The following TAF7L variants were observed in gnomAD, a reference collection of about 807,000 sequenced individuals.
The protein encoded by TAF7L is TATA-box binding protein associated factor 7 like.
A neutral mutation model predicts 30.2 loss-of-function variants in TAF7L; 6 were observed. The observed-to-expected ratio is 0.20, with a 90% CI of 0.11 to 0.39. The LOEUF is 0.39. Among genes scored for constraint, TAF7L ranks in the 10% least tolerant of loss-of-function variants. The pLI, the probability that TAF7L is intolerant of heterozygous loss-of-function variation, is 1.00. For missense variants in TAF7L, 284 were observed against 277.1 expected (o/e 1.03, Z -0.18); for synonymous variants, 93 against 94.5 (o/e 0.98, Z 0.09).
intron 10 of TAF7L, 21 bp from the exon 11 acceptor site, chrX:101,276,133 T>C: frequency 1.7e-5 from 20 of 1,164,559 alleles, no homozygotes; most frequent in Non-Finnish European, 2.2e-5. Context: ...AACATAGAAC[T>C]TTATATATTA....
At chrX:101,292,977 C>T (rs746941333), upstream of TAF7L, 30 of 1,210,738 alleles carry the variant, frequency 2.5e-5, no homozygotes, top group Non-Finnish European at 3.4e-5. Flanking sequence ...TAGTTACTTC[C>T]GATGTTGAAA....
In TAF7L at chrX:101,268,357, C is replaced by T. The variant is rs182924584; in HGVS notation, c.*836G>A. On this transcript the variant is annotated 3_prime_UTR_variant, in exon 13 of 13. Coordinates refer to ENST00000356784, the MANE Select transcript of TAF7L (RefSeq NM_001168474.2). The stretch of plus-strand genomic sequence containing the variant: ...CAAACAAGATTGTTAAAGAAGTCTT[C>T]ATAGGCATTATGGCATCTTGTTCTT... 4 of 112,206 alleles carry T rather than the reference C, an allele frequency of 3.6e-5. No homozygotes were observed. The highest frequency in any genetic ancestry group is 1.3e-4 in the African/African-American group (4 of 30,970). 9.2% of individuals were successfully genotyped at this position (112,206 alleles called of 1,213,427 possible).
At chrX:101,288,597 G>C (rs1199657488) in intron 1 of TAF7L, among the ~76,000 whole-genome samples, 2 of 108,568 alleles carry the variant, frequency 1.8e-5, no homozygotes, top group Non-Finnish European at 3.8e-5. Flanking sequence ...TGTATGCCCA[G>C]TACTACATTG....
intron 12 of TAF7L, 117 bp downstream of exon 12, chrX:101,275,105 A>G: frequency 1.8e-6 from 1 of 559,985 alleles, no homozygotes; most frequent in South Asian, 3.0e-5. Flanking sequence ...ACCTTCATTT[A>G]GAAGATTTGG....
intron 3 of TAF7L, among the ~76,000 whole-genome samples, chrX:101,283,905 C>CTT (rs368554102): frequency 3.0e-5 from 3 of 98,460 alleles, no homozygotes; most frequent in East Asian, 3.1e-4. Flanking sequence ...AAACCAATTC[C>CTT]TTTTTTTTTT....
Position 101,275,858 on chromosome X carries a change from A to T in TAF7L, c.1026+142T>A, listed in dbSNP as rs200282901. 20 of 421,523 alleles carry T rather than the reference A, an allele frequency of 4.7e-5. No individual in the cohort carries two copies. The East Asian group carries it at 7.3e-4, about 15-fold the overall frequency. 34.7% of individuals were successfully genotyped at this position (421,523 alleles called of 1,213,427 possible). On this transcript the variant is annotated intron_variant, in intron 11 of 12. Coordinates refer to ENST00000356784, the MANE Select transcript of TAF7L (RefSeq NM_001168474.2). ...TACTCAGGTAAAAGGAAACAGGGTT[A>T]TCTTTTATTAGGAGTTTCTAAGAGG...
At chrX:101,275,916 C>A (rs1484588983) in intron 11 of TAF7L, 84 bp downstream of exon 11, 9 of 676,729 alleles carry the variant, frequency 1.3e-5, no homozygotes, top group Non-Finnish European at 6.7e-6. Flanking sequence ...AAGAACCCTG[C>A]ACAGAGATAA....
At position 101,268,500 on chromosome X, in the gene TAF7L, C is replaced by T. The variant is rs773641604; in HGVS notation, c.*693G>A. 9.0e-6 allele frequency: 1 copy of T among 111,533 alleles called. No individual in the cohort carries two copies. Among genetic ancestry groups the T allele is most frequent in the Non-Finnish European group, 1.9e-5 (1 of 53,155 alleles). The allele number at this position is 111,533 out of a possible 1,213,427, so 9.2% of individuals were successfully genotyped here. ...GTTGGTGAATAACAACCAGCTCCAT[C>T]CTAAAAACAACAGAACATAAGCAGC... On this transcript the variant is annotated 3_prime_UTR_variant, in exon 13 of 13. Coordinates refer to ENST00000356784, the MANE Select transcript of TAF7L (RefSeq NM_001168474.2).
chrX:101,268,771 T>G lies in TAF7L; in HGVS notation c.*422A>C, dbSNP rs1200452814. The G allele has an allele frequency of 8.5e-6, 1 of 117,526 alleles. No homozygotes were observed. The highest frequency in any genetic ancestry group is 1.7e-5 in the Non-Finnish European group (1 of 57,184). The allele number at this position is 117,526 out of a possible 1,213,427, so 9.7% of individuals were successfully genotyped here. A position where few individuals can be genotyped will look rare whatever the true frequency, so the allele number is the denominator to read the frequency against. ...GCTAGACTGCCTTTAGAAGCATGGC[T>G]GAATAATCTGCTGGTACCATAGCAC... On this transcript the variant is annotated 3_prime_UTR_variant, in exon 13 of 13. Coordinates refer to ENST00000356784, the MANE Select transcript of TAF7L (RefSeq NM_001168474.2).
Position 101,283,594 on chromosome X carries a change from G to A in TAF7L, c.146-11C>T, listed in dbSNP as rs1336794570. 8 of 1,208,981 alleles carry A rather than the reference G, an allele frequency of 6.6e-6. No individual in the cohort carries two copies. Among genetic ancestry groups the A allele is most frequent in the Non-Finnish European group, 8.9e-6 (8 of 894,382 alleles). On this transcript the variant is annotated splice_polypyrimidine_tract_variant and intron_variant, in intron 3 of 12. Transcript: ENST00000356784. ...CATGGCGCCCATCAGCTGAAGAGAA[G>A]TAAAGATTAAAGTTGATATCTTCCC...
chrX:101,291,371 G>C, upstream of TAF7L: 2 of 652,497 alleles, frequency 3.1e-6, no homozygotes. Flanking sequence ...AAAGCGGCGC[G>C]CGCCGGCCCC....
Position 101,281,700 on chromosome X carries a change from A to G in TAF7L, c.462+20T>C. ...CTCTTCTAATCGGCCCGGCAGACAC[A>G]CAAATAGCATGTAACTAACCTTTTT... On this transcript the variant is annotated intron_variant, in intron 6 of 12. Transcript: ENST00000356784. 2.5e-6 allele frequency: 3 copies of G among 1,207,396 alleles called. No homozygotes were observed. The highest frequency in any genetic ancestry group is 3.4e-6 in the Non-Finnish European group (3 of 891,952).
chrX:101,288,435 G>A (rs1000292111), intron 1 of TAF7L, among the ~76,000 whole-genome samples: 4 of 104,131 alleles, frequency 3.8e-5, no homozygotes. Flanking sequence ...GAGCCACCGC[G>A]CCCAGCATGG....
chrX:101,277,187 A>G, intron 9 of TAF7L, among the ~76,000 whole-genome samples: 1 of 90,928 alleles, frequency 1.1e-5, no homozygotes, highest in African/African-American at 4.2e-5. Flanking sequence ...GGCCAGGCAC[A>G]GTGGCTCATG....
At chrX:101,293,056 G>A (rs200553188), upstream of TAF7L, 17 of 1,210,122 alleles carry the variant, frequency 1.4e-5, no homozygotes, top group Middle Eastern at 9.2e-4. Context: ...GGCCCACCTC[G>A]TTGGGGTTGT....
upstream of TAF7L, among the ~76,000 whole-genome samples, chrX:101,292,194 C>A (rs1924835059): frequency 1.0e-5 from 1 of 95,780 alleles, no homozygotes; most frequent in Admixed American, 1.1e-4. Flanking sequence ...AGCCGAGATC[C>A]CGCCACTGCA....
chrX:101,292,019 C>G (rs1160369236), upstream of TAF7L, among the ~76,000 whole-genome samples: 1 of 108,280 alleles, frequency 9.2e-6, no homozygotes, highest in East Asian at 2.9e-4. Flanking sequence ...GGGTGGATCA[C>G]CTGAGGTCAG....
chrX:101,277,562 T>C, intron 9 of TAF7L, 44 bp downstream of exon 9: 1 of 732,710 alleles, frequency 1.4e-6, no homozygotes, highest in Non-Finnish European at 2.0e-6. Context: ...ACCCAGTCAA[T>C]ACCTGCCCTA....
rs1316272769 is a variant in TAF7L at position 101,291,209 on chromosome X, G to A, written c.-3+15C>T. Reference sequence around the variant, plus strand: ...CTGACCCGGTCCCGGCCGCCCGGTCGGCCGCCCGACTCACCCGCTCCTCCG... The same window carrying A: ...CTGACCCGGTCCCGGCCGCCCGGTCAGCCGCCCGACTCACCCGCTCCTCCG... On this transcript the variant is annotated intron_variant, in intron 1 of 12. Transcript: ENST00000356784. 5.4e-6 allele frequency: 4 copies of A among 739,463 alleles called. No homozygotes were observed. The highest frequency in any genetic ancestry group is 1.4e-4 in the South Asian group (2 of 14,440). The allele number at this position is 739,463 out of a possible 1,213,427, so 60.9% of individuals were successfully genotyped here. A position where few individuals can be genotyped will look rare whatever the true frequency, so the allele number is the denominator to read the frequency against.
Sources: gnomAD v4.1 joint callset for allele counts (sites outside exome capture counted in the v4.1 genomes callset) on GRCh38, gnomAD v4.1.1 for gene constraint, MANE v1.5 for transcripts, NCBI Gene and HGNC (gene_info 2026-07-23, HGNC 2026-07-21) for gene names.